C8orf34: variants seen among roughly 807,000 people sequenced by gnomAD.
The protein encoded by C8orf34 is chromosome 8 open reading frame 34.
C8orf34 carries 65 observed loss-of-function variants against 68.3 expected under a neutral mutation model. The ratio of observed to expected loss-of-function variants is 0.95; its 90% CI spans 0.78 to 1.17. The LOEUF is 1.17. C8orf34 is among the 50% of genes most tolerant of loss of function. The pLI is 0.00. For synonymous variants in C8orf34, 244 were observed against 241.2 expected (o/e 1.01, Z -0.11); for missense variants, 664 against 655.4 (o/e 1.01, Z -0.14).
chr8:68,573,111 C>T (rs1395297711), intron 7 of C8orf34, among the ~76,000 whole-genome samples: 1 of 152,130 alleles, frequency 6.6e-6, no homozygotes, highest in African/African-American at 2.4e-5. Context: ...TCTAGTTAAA[C>T]ATTGTAGTCT....
chr8:68,800,427 G>A (rs1402636174), intron 12 of C8orf34, among the ~76,000 whole-genome samples: 2 of 152,104 alleles, frequency 1.3e-5, no homozygotes, highest in Non-Finnish European at 2.9e-5. Flanking sequence ...TAGACCAATA[G>A]TGCAGCCTAG....
chr8:68,479,951 T>C (rs1158232612), intron 4 of C8orf34, among the ~76,000 whole-genome samples: 1 of 152,244 alleles, frequency 6.6e-6, no homozygotes, highest in Non-Finnish European at 1.5e-5. Flanking sequence ...TTTTACATTT[T>C]AAAAGAGTTA....
intron 5 of C8orf34, among the ~76,000 whole-genome samples, chr8:68,489,307 T>C (rs1813210555): frequency 6.6e-6 from 1 of 152,172 alleles, no homozygotes; most frequent in African/African-American, 2.4e-5. Context: ...ACAGAAAATA[T>C]ATTGAAATTT....
At chr8:68,806,739 C>T (rs927578243) in intron 12 of C8orf34, among the ~76,000 whole-genome samples, 40 of 152,158 alleles carry the variant, frequency 2.6e-4, no homozygotes, top group African/African-American at 9.4e-4. Flanking sequence ...GTGGATTGTG[C>T]CTTGTTCTCT....
intron 7 of C8orf34, among the ~76,000 whole-genome samples, chr8:68,622,173 G>T (rs1435766400): frequency 6.6e-6 from 1 of 152,218 alleles, no homozygotes; most frequent in Non-Finnish European, 1.5e-5. Flanking sequence ...CCCCAGTATT[G>T]CAACTTGTTT....
intron 8 of C8orf34, among the ~76,000 whole-genome samples, chr8:68,655,571 T>C (rs1375882568): frequency 1.3e-5 from 2 of 152,194 alleles, no homozygotes; most frequent in African/African-American, 4.8e-5. Context: ...GATGCTTTCT[T>C]GCAATGCTGG....
intron 8 of C8orf34, among the ~76,000 whole-genome samples, chr8:68,704,600 T>C (rs1821111949): frequency 6.6e-6 from 1 of 152,026 alleles, no homozygotes; most frequent in African/African-American, 2.4e-5. Flanking sequence ...CAAGGATTAT[T>C]TTGAGAAGCT....
intron 12 of C8orf34, among the ~76,000 whole-genome samples, chr8:68,797,257 G>A (rs544040422): frequency 6.6e-6 from 1 of 152,282 alleles, no homozygotes; most frequent in Admixed American, 6.5e-5. Context: ...AATCATCTCA[G>A]TCTTAATTCT....
At chr8:68,620,598 T>G (rs1445596424) in intron 7 of C8orf34, among the ~76,000 whole-genome samples, 1 of 148,278 alleles carries the variant, frequency 6.7e-6, no homozygotes, top group African/African-American at 2.5e-5. Flanking sequence ...GAAGGAAAAA[T>G]GAAACTTGAA....
At chr8:68,669,437 CAT>C (rs1819941773) in intron 8 of C8orf34, among the ~76,000 whole-genome samples, 2 of 152,060 alleles carry the variant, frequency 1.3e-5, no homozygotes, top group African/African-American at 2.4e-5. Flanking sequence ...ACAACATATT[CAT>C]ATGTTTTTAT....
chr8:68,625,623 T>C (rs1251108396), intron 7 of C8orf34: 2 of 701,942 alleles, frequency 2.8e-6, no homozygotes, highest in Non-Finnish European at 5.2e-6. Context: ...CAACATCCTG[T>C]GGCATGTGGC....
At chr8:68,447,141 GC>G (rs1811158804) in intron 3 of C8orf34, 1 of 152,746 alleles carries the variant, frequency 6.5e-6, no homozygotes, top group South Asian at 2.0e-4. Flanking sequence ...GCATCATATG[GC>G]GAGAGGAAGG....
intron 12 of C8orf34, among the ~76,000 whole-genome samples, chr8:68,803,945 A>G (rs189841361): frequency 3.3e-5 from 5 of 152,304 alleles, no homozygotes; most frequent in Admixed American, 2.0e-4. Flanking sequence ...TGTGTTGCTT[A>G]TGAACACTTA....
intron 9 of C8orf34, among the ~76,000 whole-genome samples, chr8:68,711,815 G>T (rs1020162769): frequency 2.0e-5 from 3 of 152,088 alleles, no homozygotes; most frequent in African/African-American, 7.2e-5. Context: ...CTAGAACTCC[G>T]AATACAAGAA....
chr8:68,582,545 G>C (rs1024286970), intron 7 of C8orf34, among the ~76,000 whole-genome samples: 1 of 152,070 alleles, frequency 6.6e-6, no homozygotes, highest in Non-Finnish European at 1.5e-5. Context: ...TTTATGACTT[G>C]CTTTAGGGAA....
At chr8:68,814,752 A>G (rs1368042634) in intron 12 of C8orf34, among the ~76,000 whole-genome samples, 1 of 152,034 alleles carries the variant, frequency 6.6e-6, no homozygotes, top group African/African-American at 2.4e-5. Flanking sequence ...CTTTTTTTCC[A>G]TTTTTCTGCA....
At chr8:68,466,869 A>G (rs1812171196) in intron 3 of C8orf34, among the ~76,000 whole-genome samples, 1 of 151,178 alleles carries the variant, frequency 6.6e-6, no homozygotes, top group African/African-American at 2.4e-5. Flanking sequence ...TACTTTTTAA[A>G]AAGGTGACAG....
At chr8:68,550,916 C>A (rs116721851) in intron 7 of C8orf34, among the ~76,000 whole-genome samples, 4 of 150,994 alleles carry the variant, frequency 2.6e-5, no homozygotes, top group Non-Finnish European at 5.9e-5. Flanking sequence ...GTTCTGCTTC[C>A]CCCCCTCTGG....
intron 7 of C8orf34, among the ~76,000 whole-genome samples, chr8:68,567,921 A>G (rs148956250): frequency 2.4e-3 from 369 of 151,832 alleles, no homozygotes; most frequent in African/African-American, 7.9e-3. Context: ...TAGCTTTTGA[A>G]AGTGAGAGAC....
Sources: allele counts gnomAD v4.1 joint callset (sites outside exome capture counted in the v4.1 genomes callset), GRCh38; gene constraint gnomAD v4.1.1; transcripts MANE v1.5; gene names NCBI Gene and HGNC (gene_info 2026-07-23, HGNC 2026-07-21).